Variants in PRKCZ observed in about 807,000 individuals in gnomAD.
PRKCZ encodes protein kinase C zeta, also known as protein kinase C zeta type.
In PRKCZ, 33 loss-of-function variants were observed where a neutral mutation model predicts 79.5. The observed-to-expected ratio is 0.41, with a 90% confidence interval of 0.31 to 0.55. The LOEUF is 0.55. PRKCZ is among the 20% of genes least tolerant of loss of function. PRKCZ has a pLI of 0.19. For missense variants in PRKCZ, 578 were observed against 813.5 expected, an observed-to-expected ratio of 0.71 and a Z score of 3.52; for synonymous variants, 342 against 320.9, an observed-to-expected ratio of 1.07 and a Z score of -0.70.
chr1:2,079,011 T>C (rs1213597684), intron 4 of PRKCZ, among the ~76,000 whole-genome samples: 2 of 152,092 alleles, frequency 1.3e-5, no homozygotes, highest in African/African-American at 4.8e-5. Context: ...CCCAGCTAAT[T>C]TTTTGTAGTT....
chr1:2,155,022 C>T (rs2103272787), intron 9 of PRKCZ, among the ~76,000 whole-genome samples: 1 of 152,330 alleles, frequency 6.6e-6, no homozygotes, highest in Middle Eastern at 3.4e-3. Context: ...TAGGGCAAAG[C>T]CTGGAGGCCA....
At chr1:2,056,854 G>C (rs2678953) in intron 3 of PRKCZ, among the ~76,000 whole-genome samples, 18,420 of 149,932 alleles carry the variant, frequency 0.12, 3,697 homozygotes, top group African/African-American at 0.42. Context: ...TCAGCCTCCC[G>C]AGTAGCTGGG....
At chr1:2,078,911 C>T (rs1276335172) in intron 4 of PRKCZ, among the ~76,000 whole-genome samples, 13 of 142,648 alleles carry the variant, frequency 9.1e-5, no homozygotes, top group African/African-American at 2.3e-4. Context: ...GGCGTGATTT[C>T]GGCTCACTGC....
At position 2,160,238 on chromosome 1, in the gene PRKCZ, C is replaced by CGTGTGTGTGTGTGT. The variant is rs56068331; in HGVS notation, c.974+4167_974+4180dup. On this transcript the variant is annotated intron_variant, in intron 10 of 17. Transcript: ENST00000378567. ...GAAAAGCACTTCACCCAGCAGTGTGCGTGTGTGTGTGTGTGTGTGTGTGTG... is the reference window on the plus strand; with the variant it reads ...GAAAAGCACTTCACCCAGCAGTGTGCGTGTGTGTGTGTGTGTGTGTGTGTGTGTGTGTGTGTGTG... Among the ~76,000 whole-genome samples, 597 of 146,466 alleles carry CGTGTGTGTGTGTGT rather than the reference C, an allele frequency of 4.1e-3. 5 individuals carry two copies. The highest frequency in any genetic ancestry group is 0.014 in the African/African-American group (545 of 39,028).
chr1:2,131,600 C>A (rs1674960664), intron 4 of PRKCZ, among the ~76,000 whole-genome samples: 1 of 152,176 alleles, frequency 6.6e-6, no homozygotes, highest in South Asian at 2.1e-4. Flanking sequence ...TTGACACATG[C>A]TAGGAGCGCA....
chr1:2,156,206 T>C lies in PRKCZ; in HGVS notation c.974+114T>C. On this transcript the variant is annotated intron_variant, in intron 10 of 17. Transcript: ENST00000378567. ...ACCTGTAAGGTTCTCCCAGTTGCTG[T>C]ACGGGTGTTTTCAGGCCAGCAGACT... The C allele has an allele frequency of 3.0e-6, 3 of 989,752 alleles. No homozygotes were observed. In the Admixed American group the frequency reaches 5.9e-5, roughly 19 times the overall value. The allele number at this position is 989,752 out of a possible 1,614,324, so 61.3% of individuals were successfully genotyped here.
intron 9 of PRKCZ, among the ~76,000 whole-genome samples, chr1:2,154,972 G>T (rs1036239129): frequency 2.0e-5 from 3 of 152,188 alleles, no homozygotes; most frequent in African/African-American, 4.8e-5. Context: ...ATTTCCTTGT[G>T]TCCTAACTGG....
intron 16 of PRKCZ, among the ~76,000 whole-genome samples, chr1:2,181,029 C>A (rs936616210): frequency 1.3e-5 from 2 of 152,200 alleles, no homozygotes; most frequent in African/African-American, 4.8e-5. Context: ...CATTCTGTGC[C>A]TGACCATGCT....
At chr1:2,057,990 C>T (rs1660335232) in intron 3 of PRKCZ, among the ~76,000 whole-genome samples, 1 of 152,244 alleles carries the variant, frequency 6.6e-6, no homozygotes, top group African/African-American at 2.4e-5. Context: ...GCCTCACCCT[C>T]CCAAGTAGCT....
rs1687393740 is a variant in PRKCZ at position 2,185,180 on chromosome 1, C to T, written c.*171C>T. On this transcript the variant is annotated 3_prime_UTR_variant, in exon 18 of 18. Transcript: ENST00000378567. ...GGGCGCTGCTGGGAGCAGAACAGTCCCTCACACCTGGGCCCGGGCAGGCCA... is the reference window on the plus strand; with the variant it reads ...GGGCGCTGCTGGGAGCAGAACAGTCTCTCACACCTGGGCCCGGGCAGGCCA... The T allele has an allele frequency of 5.5e-6, 4 of 726,478 alleles. No homozygotes were observed. The highest frequency in any genetic ancestry group is 1.6e-5 in the South Asian group (1 of 63,782). The allele number at this position is 726,478 out of a possible 1,614,324, so 45.0% of individuals were successfully genotyped here. A position where few individuals can be genotyped will look rare whatever the true frequency, so the allele number is the denominator to read the frequency against.
chr1:2,057,712 T>C (rs1257267808), intron 3 of PRKCZ, among the ~76,000 whole-genome samples: 1 of 151,838 alleles, frequency 6.6e-6, no homozygotes, highest in Admixed American at 6.6e-5. Flanking sequence ...CCAAAACTTG[T>C]TTTATTTTTT....
rs1172900525 is a variant in PRKCZ at position 2,185,210 on chromosome 1, C to T, written c.*201C>T. 19 of 705,810 alleles carry T rather than the reference C, an allele frequency of 2.7e-5. No individual in the cohort carries two copies. The highest frequency in any genetic ancestry group is 5.4e-5 in the East Asian group (2 of 37,142). The allele number at this position is 705,810 out of a possible 1,614,324, so 43.7% of individuals were successfully genotyped here. On this transcript the variant is annotated 3_prime_UTR_variant, in exon 18 of 18. Coordinates refer to ENST00000378567, the MANE Select transcript of PRKCZ (RefSeq NM_002744.6). The stretch of plus-strand genomic sequence containing the variant: ...CACCTGGGCCCGGGCAGGCCAGCTT[C>T]GTGCTGGAGGAACTTGCTGCTGTGC...
intron 4 of PRKCZ, among the ~76,000 whole-genome samples, chr1:2,105,527 G>A (rs1230469640): frequency 6.6e-6 from 1 of 152,186 alleles, no homozygotes; most frequent in Non-Finnish European, 1.5e-5. Context: ...GGCCTCCCGA[G>A]TAGCTGGGAT....
rs559131640 is a variant in PRKCZ, at chr1:2,098,032, A to G, written c.335-37230A>G. Among the ~76,000 whole-genome samples the G allele has an allele frequency of 2.6e-3, 393 of 152,122 alleles. 5 individuals carry two copies. The highest frequency in any genetic ancestry group is 9.2e-3 in the African/African-American group (381 of 41,478). On this transcript the variant is annotated intron_variant, in intron 4 of 17. Coordinates refer to ENST00000378567, the MANE Select transcript of PRKCZ (RefSeq NM_002744.6). The stretch of plus-strand genomic sequence containing the variant: ...CCGGAGTGGCGGGGTGAATAGTTTG[A>G]CGGGAAGGATGGTTACAGAACAGGT...
In PRKCZ at chr1:2,086,980, C is replaced by T. The variant is rs558330123; in HGVS notation, c.334+27389C>T. ...CAGTTTCCAGAAGTTAACTTGGATT[C>T]GTTTATTCATTTGTTGTCTTTCGTG... On this transcript the variant is annotated intron_variant, in intron 4 of 17. Coordinates refer to ENST00000378567, the MANE Select transcript of PRKCZ (RefSeq NM_002744.6). 7.2e-5 allele frequency among the ~76,000 whole-genome samples: 11 copies of T among 152,236 alleles called. No homozygotes were observed. In the South Asian group the frequency reaches 1.7e-3, roughly 23 times the overall value.
At position 2,088,968 on chromosome 1, in the gene PRKCZ, C is replaced by T. The variant is rs555360701; in HGVS notation, c.334+29377C>T. Among the ~76,000 whole-genome samples, 26 of 152,308 alleles carry T rather than the reference C, an allele frequency of 1.7e-4. 3 individuals carry two copies. In the South Asian group the frequency reaches 5.0e-3, roughly 29 times the overall value. ...TTTGTTTTGTTTTCCGAGAGCATAT[C>T]GTTTTTAATTTCATTCTGGTCTTCT... On this transcript the variant is annotated intron_variant, in intron 4 of 17. Transcript: ENST00000378567.
At chr1:2,077,895 G>A (rs376346864) in intron 4 of PRKCZ, among the ~76,000 whole-genome samples, 2 of 152,188 alleles carry the variant, frequency 1.3e-5, no homozygotes, top group African/African-American at 2.4e-5. Flanking sequence ...TAATCATTGA[G>A]TGTTTACCTA....
At chr1:2,089,976 C>T (rs1008714489) in intron 4 of PRKCZ, among the ~76,000 whole-genome samples, 22 of 152,146 alleles carry the variant, frequency 1.4e-4, no homozygotes, top group African/African-American at 4.1e-4. Context: ...GGCTGGTTCC[C>T]GGAGGCCGTG....
At position 2,050,415 on chromosome 1, in the gene PRKCZ, G is replaced by T; in HGVS notation, c.-216G>T. On this transcript the variant is annotated 5_prime_UTR_variant, in exon 1 of 18. Coordinates refer to ENST00000378567, the MANE Select transcript of PRKCZ (RefSeq NM_002744.6). Reference sequence around the variant, plus strand: ...GGCTCCACCTCGGTCCGCCATGTTCGGACACCGCCCCCCGCCCCCGCCGGA... The same window carrying T: ...GGCTCCACCTCGGTCCGCCATGTTCTGACACCGCCCCCCGCCCCCGCCGGA... 1.1e-5 allele frequency: 2 copies of T among 182,578 alleles called. No homozygotes were observed. Among genetic ancestry groups the T allele is most frequent in the South Asian group, 1.7e-4 (1 of 5,752 alleles). The allele number at this position is 182,578 out of a possible 1,614,324, so 11.3% of individuals were successfully genotyped here.
Sources: allele counts gnomAD v4.1 joint callset (sites outside exome capture counted in the v4.1 genomes callset), GRCh38; gene constraint gnomAD v4.1.1; transcripts MANE v1.5; gene names NCBI Gene and HGNC (gene_info 2026-07-23, HGNC 2026-07-21).